Variants in EML6 observed in about 807,000 individuals in gnomAD.
The protein encoded by EML6 is echinoderm microtubule-associated protein-like 6.
A neutral mutation model predicts 240.1 loss-of-function variants in EML6; 154 were observed. The ratio of observed to expected loss-of-function variants is 0.64; its 90% CI spans 0.56 to 0.73. The LOEUF is 0.73. Ranked by LOEUF, EML6 falls within the 30% of genes least tolerant of loss-of-function variation. The pLI is 0.00. For synonymous variants in EML6, 1,148 were observed against 899.0 expected, an observed-to-expected ratio of 1.28 and a Z score of -4.95; for missense variants, 2,964 against 2,474.6, an observed-to-expected ratio of 1.20 and a Z score of -4.20.
At chr2:54,961,255 A>G (rs938786301) in intron 35 of EML6, among the ~76,000 whole-genome samples, 3 of 134,194 alleles carry the variant, frequency 2.2e-5, no homozygotes, top group Admixed American at 8.5e-5. Flanking sequence ...CATGATCTCA[A>G]CTCACTGCAA....
chr2:54,941,609 A>G (rs887263892), intron 28 of EML6, among the ~76,000 whole-genome samples: 3 of 152,250 alleles, frequency 2.0e-5, no homozygotes, highest in Admixed American at 2.0e-4. Flanking sequence ...GCTTGGCCCA[A>G]TAAATGGGGA....
At chr2:54,784,013 C>A (rs1378346562) in intron 2 of EML6, among the ~76,000 whole-genome samples, 2 of 151,990 alleles carry the variant, frequency 1.3e-5, no homozygotes, top group African/African-American at 4.8e-5. Flanking sequence ...CAGTCGTGAT[C>A]ATAGTTCATG....
Position 54,844,239 on chromosome 2 carries a change from G to T in EML6, c.1040G>T (p.Arg347Leu). Residue 347 changes from arginine (R) to leucine (L), a missense_variant, in exon 8 of 42, where the codon CGC becomes CTC. By Grantham distance (102) the Arg-to-Leu change is moderately radical. Coordinates refer to ENST00000356458, the MANE Select transcript of EML6 (RefSeq NM_001039753.4). ...CTGGCTGTGACAGGCAGCGATGACC[G>T]CTCTGTCAGGTGAGGCCCTACCGCC... Reference protein sequence around the residue: ...KPLAVTGSDDRSVRLWSLADH... With the variant: ...KPLAVTGSDDLSVRLWSLADH... 1 of 1,551,122 alleles carries T rather than the reference G, an allele frequency of 6.4e-7. No homozygotes were observed. The highest frequency in any genetic ancestry group is 1.2e-5 in the South Asian group (1 of 84,040).
At chr2:54,942,685 T>C (rs1675489727) in intron 28 of EML6, among the ~76,000 whole-genome samples, 2 of 152,184 alleles carry the variant, frequency 1.3e-5, no homozygotes, top group South Asian at 4.1e-4. Flanking sequence ...ACTTCCTGTC[T>C]CTGAGCAATT....
At chr2:54,764,327 C>T (rs1262924068) in intron 2 of EML6, among the ~76,000 whole-genome samples, 1 of 152,060 alleles carries the variant, frequency 6.6e-6, no homozygotes, top group Admixed American at 6.6e-5. Flanking sequence ...CAAATGAGAG[C>T]CATTTAAAGT....
chr2:54,753,098 G>C (rs912538824), intron 2 of EML6, among the ~76,000 whole-genome samples: 7 of 152,138 alleles, frequency 4.6e-5, no homozygotes, highest in Non-Finnish European at 1.0e-4. Flanking sequence ...AGCCTTAATA[G>C]GTATATTACC....
At chr2:54,757,944 T>C (rs1213509952) in intron 2 of EML6, among the ~76,000 whole-genome samples, 1 of 152,070 alleles carries the variant, frequency 6.6e-6, no homozygotes, top group Non-Finnish European at 1.5e-5. Flanking sequence ...TTGTTCTCTT[T>C]GTCTTTGTGG....
chr2:54,899,890 A>G, intron 22 of EML6, 108 bp downstream of exon 22: 1 of 1,078,612 alleles, frequency 9.3e-7, no homozygotes, highest in Non-Finnish European at 1.3e-6. Flanking sequence ...ATATGCCCAT[A>G]AATATGCTGG....
At position 54,844,037 on chromosome 2, in the gene EML6, T is replaced by G. The variant is rs1406358438; in HGVS notation, c.848-10T>G. Reference sequence around the variant, plus strand: ...TGAAGATTTGCTTTTGTTTTACTTATTTTTGTCAGGCCTCTCTATCCGGAG... The same window carrying G: ...TGAAGATTTGCTTTTGTTTTACTTAGTTTTGTCAGGCCTCTCTATCCGGAG... On this transcript the variant is annotated splice_polypyrimidine_tract_variant and intron_variant, in intron 7 of 41. Coordinates refer to ENST00000356458, the MANE Select transcript of EML6 (RefSeq NM_001039753.4). The G allele has an allele frequency of 6.5e-7, 1 of 1,549,666 alleles. No individual in the cohort carries two copies. Among genetic ancestry groups the G allele is most frequent in the South Asian group, 1.2e-5 (1 of 83,962 alleles).
chr2:54,914,055 C>T (rs187692442), intron 25 of EML6, among the ~76,000 whole-genome samples: 1 of 152,242 alleles, frequency 6.6e-6, no homozygotes, highest in Non-Finnish European at 1.5e-5. Flanking sequence ...TTGCTGTAGC[C>T]TTGTAGTATA....
At chr2:54,798,320 G>T (rs978017354) in intron 2 of EML6, among the ~76,000 whole-genome samples, 1 of 151,892 alleles carries the variant, frequency 6.6e-6, no homozygotes, top group Non-Finnish European at 1.5e-5. Flanking sequence ...TTATAGGTGC[G>T]CACCACCATG....
intron 28 of EML6, among the ~76,000 whole-genome samples, chr2:54,930,131 T>G (rs1004775064): frequency 1.3e-5 from 2 of 152,242 alleles, no homozygotes; most frequent in Admixed American, 1.3e-4. Flanking sequence ...ATTTCTAGTT[T>G]CACATACCAT....
intron 36 of EML6, among the ~76,000 whole-genome samples, chr2:54,963,677 C>G (rs1475971757): frequency 6.6e-6 from 1 of 152,178 alleles, no homozygotes; most frequent in African/African-American, 2.4e-5. Flanking sequence ...CTGTCTTGTG[C>G]TACAGTGGCA....
At position 54,910,970 on chromosome 2, in the gene EML6, G is replaced by C. The variant is rs1285075755; in HGVS notation, c.3426G>C (p.Val1142=). ...TCGTAACAGGAAAATTATTGCAAGT[G>C]AATTCAGGTGCCAGAGAACAACTTT... ...DWDSRGKLLQ[V]NSGAREQLFF... is the part of the protein sequence containing the mutation. The change falls in exon 25 of 42, where the codon GTG becomes GTC. Residue 1142 remains valine, a synonymous_variant. Coordinates refer to ENST00000356458, the MANE Select transcript of EML6 (RefSeq NM_001039753.4). The C allele has an allele frequency of 1.3e-6, 2 of 1,532,870 alleles. No homozygotes were observed. Among genetic ancestry groups the C allele is most frequent in the South Asian group, 2.4e-5 (2 of 81,662 alleles). 95.0% of individuals were successfully genotyped at this position (1,532,870 alleles called of 1,614,324 possible). A position where few individuals can be genotyped will look rare whatever the true frequency, so the allele number is the denominator to read the frequency against.
chr2:54,800,020 G>A (rs1445695769), intron 2 of EML6, among the ~76,000 whole-genome samples: 8 of 152,098 alleles, frequency 5.3e-5, no homozygotes, highest in African/African-American at 7.2e-5. Context: ...CTTGAGGCAG[G>A]TGGATCATGA....
intron 2 of EML6, among the ~76,000 whole-genome samples, chr2:54,780,436 A>C (rs1017064871): frequency 3.9e-5 from 6 of 152,200 alleles, no homozygotes; most frequent in Admixed American, 2.6e-4. Context: ...TTGACCTGAT[A>C]CAGAGATCTT....
chr2:54,940,017 A>G (rs760513156), intron 28 of EML6, among the ~76,000 whole-genome samples: 3 of 152,238 alleles, frequency 2.0e-5, no homozygotes, highest in Non-Finnish European at 4.4e-5. Context: ...TGTGGAATAT[A>G]TTCACTGTCA....
chr2:54,969,776 A>C (rs1377063496), intron 41 of EML6, among the ~76,000 whole-genome samples: 3 of 152,250 alleles, frequency 2.0e-5, no homozygotes, highest in Admixed American at 6.5e-5. Flanking sequence ...CCTTTTCAAT[A>C]GTAACAGGAG....
At chr2:54,934,190 T>A (rs960304606) in intron 28 of EML6, among the ~76,000 whole-genome samples, 5 of 152,162 alleles carry the variant, frequency 3.3e-5, no homozygotes, top group Non-Finnish European at 7.3e-5. Flanking sequence ...AACATACACA[T>A]ATGGAAGTGA....
Sources: allele counts gnomAD v4.1 joint callset (sites outside exome capture counted in the v4.1 genomes callset), GRCh38; gene constraint gnomAD v4.1.1; transcripts MANE v1.5; gene names NCBI Gene and HGNC (gene_info 2026-07-23, HGNC 2026-07-21).